Variants in HOMER1 observed in about 807,000 individuals in gnomAD.
HOMER1 encodes the protein homer scaffold protein 1, also known as homer protein homolog 1.
HOMER1 carries 3 observed loss-of-function variants against 48.9 expected under a neutral mutation model. The ratio of observed to expected loss-of-function variants is 0.06; its 90% CI spans 0.03 to 0.16. The LOEUF (loss-of-function observed/expected upper bound fraction) is 0.16. Ranked by LOEUF, HOMER1 falls within the 10% of genes least tolerant of loss-of-function variation. The pLI is 1.00. For missense variants in HOMER1, 247 were observed against 411.4 expected (o/e 0.60, Z 3.46); for synonymous variants, 134 against 146.4 (o/e 0.92, Z 0.61).
intron 5 of HOMER1, among the ~76,000 whole-genome samples, chr5:79,435,724 G>C (rs1750559733): frequency 6.6e-6 from 1 of 150,470 alleles, no homozygotes; most frequent in African/African-American, 2.5e-5. Context: ...CCACCTACTC[G>C]GGAGGCTGAG....
intron 1 of HOMER1, among the ~76,000 whole-genome samples, chr5:79,462,132 G>A (rs12110078): frequency 0.21 from 31,959 of 152,028 alleles, 3,689 homozygotes; most frequent in East Asian, 0.37. Flanking sequence ...CCAGGAGACG[G>A]AGGTTGCAGT....
rs759997948 is a variant in HOMER1, at chr5:79,483,318, G to A, written c.6-26300C>T. On this transcript the variant is annotated intron_variant, in intron 1 of 8. Coordinates refer to ENST00000334082, the MANE Select transcript of HOMER1 (RefSeq NM_004272.5). ...AAGAAAAAAAACTTGTCAACCTAACGATTTTCTACCCAGCAAAAAACATCT... is the reference window on the plus strand; with the variant it reads ...AAGAAAAAAAACTTGTCAACCTAACAATTTTCTACCCAGCAAAAAACATCT... Among the ~76,000 whole-genome samples, 76 of 152,082 alleles carry A rather than the reference G, an allele frequency of 5.0e-4. No homozygotes were observed. In the Middle Eastern group the frequency reaches 0.01, roughly 20 times the overall value.
intron 1 of HOMER1, among the ~76,000 whole-genome samples, chr5:79,507,382 G>T (rs1159082227): frequency 6.6e-6 from 1 of 151,846 alleles, no homozygotes; most frequent in East Asian, 1.9e-4. Context: ...CTTTTGAAAT[G>T]AACATATTTA....
intron 8 of HOMER1, among the ~76,000 whole-genome samples, chr5:79,393,610 C>T (rs1226856074): frequency 3.3e-5 from 5 of 152,184 alleles, no homozygotes; most frequent in African/African-American, 1.2e-4. Context: ...GGGTACCCTG[C>T]TTTTCCAGAT....
At chr5:79,467,126 C>T (rs1751487705) in intron 1 of HOMER1, among the ~76,000 whole-genome samples, 1 of 151,988 alleles carries the variant, frequency 6.6e-6, no homozygotes, top group South Asian at 2.1e-4. Context: ...AGGCTGGGCG[C>T]AGAGGATCAG....
intron 5 of HOMER1, among the ~76,000 whole-genome samples, chr5:79,415,736 G>A (rs1236493297): frequency 2.0e-5 from 3 of 152,144 alleles, no homozygotes; most frequent in Non-Finnish European, 4.4e-5. Flanking sequence ...TATAATGTAT[G>A]CCTTTATCAC....
At chr5:79,476,630 T>C (rs1751786959) in intron 1 of HOMER1, among the ~76,000 whole-genome samples, 1 of 152,160 alleles carries the variant, frequency 6.6e-6, no homozygotes, top group Non-Finnish European at 1.5e-5. Context: ...TTATAAAGGA[T>C]ATTAAAAAGA....
intron 5 of HOMER1, among the ~76,000 whole-genome samples, chr5:79,414,455 C>A (rs962039572): frequency 3.3e-5 from 5 of 152,064 alleles, no homozygotes; most frequent in Non-Finnish European, 7.4e-5. Context: ...ACATAGCTCA[C>A]TGCAACTCTG....
chr5:79,509,912 T>C (rs1752890508), intron 1 of HOMER1, among the ~76,000 whole-genome samples: 1 of 152,238 alleles, frequency 6.6e-6, no homozygotes, highest in East Asian at 1.9e-4. Context: ...TGAAACACTT[T>C]ACCCACAGTA....
At chr5:79,492,538 T>C (rs1176584646) in intron 1 of HOMER1, among the ~76,000 whole-genome samples, 3 of 151,852 alleles carry the variant, frequency 2.0e-5, no homozygotes, top group Non-Finnish European at 4.4e-5. Context: ...CCCTATACAC[T>C]TTGGTTCACA....
rs990565810 is a variant in HOMER1, at chr5:79,397,652, G to A, written c.685-15C>T. ...AGTTCAGTCACCTAAAATTAAATGA[G>A]AACACAGATTAACTTAAATTTCAAC... On this transcript the variant is annotated splice_polypyrimidine_tract_variant and intron_variant, in intron 6 of 8. Coordinates refer to ENST00000334082, the MANE Select transcript of HOMER1 (RefSeq NM_004272.5). 2.0e-6 allele frequency: 3 copies of A among 1,466,616 alleles called. No homozygotes were observed. Among genetic ancestry groups the A allele is most frequent in the African/African-American group, 2.8e-5 (2 of 71,124 alleles). 90.9% of individuals were successfully genotyped at this position (1,466,616 alleles called of 1,614,324 possible).
In HOMER1 at chr5:79,514,094, C is replaced by G. The variant is rs952601225; in HGVS notation, c.-1320G>C. The G allele has an allele frequency of 2.6e-5, 4 of 152,258 alleles. No individual in the cohort carries two copies. Among genetic ancestry groups the G allele is most frequent in the East Asian group, 1.9e-4 (1 of 5,154 alleles). The allele number at this position is 152,258 out of a possible 1,614,324, so 9.4% of individuals were successfully genotyped here. On this transcript the variant is annotated 5_prime_UTR_variant, in exon 1 of 9. Transcript: ENST00000334082. ...GGCAGAGAAGAGGGTGCTGCTTTCC[C>G]GGTCAGCGCCGCCGGCGTGAAGCTA...
intron 1 of HOMER1, among the ~76,000 whole-genome samples, chr5:79,500,003 G>A (rs1660719277): frequency 6.6e-6 from 1 of 152,160 alleles, no homozygotes; most frequent in South Asian, 2.1e-4. Flanking sequence ...GCAAAGTCAT[G>A]CTATTACAAG....
chr5:79,506,979 C>T (rs575924065), intron 1 of HOMER1, among the ~76,000 whole-genome samples: 2 of 151,862 alleles, frequency 1.3e-5, no homozygotes, highest in East Asian at 3.9e-4. Flanking sequence ...TTTGGGAGGC[C>T]GAGGCAGGCA....
intron 8 of HOMER1, among the ~76,000 whole-genome samples, chr5:79,376,875 C>A (rs956638787): frequency 6.6e-6 from 1 of 151,636 alleles, no homozygotes; most frequent in South Asian, 2.1e-4. Context: ...TTCATGACAA[C>A]AAAAAAAACA....
intron 1 of HOMER1, among the ~76,000 whole-genome samples, chr5:79,512,044 C>T (rs1417462087): frequency 6.6e-6 from 1 of 152,190 alleles, no homozygotes; most frequent in Non-Finnish European, 1.5e-5. Flanking sequence ...TAATAAAAGA[C>T]TGGAAAATGC....
At chr5:79,427,272 G>C (rs1021727870) in intron 5 of HOMER1, among the ~76,000 whole-genome samples, 1 of 152,072 alleles carries the variant, frequency 6.6e-6, no homozygotes, top group Non-Finnish European at 1.5e-5. Context: ...CTAGAAATCA[G>C]AGTTATTTGA....
intron 1 of HOMER1, among the ~76,000 whole-genome samples, chr5:79,462,939 A>G (rs1751357312): frequency 6.6e-6 from 1 of 152,232 alleles, no homozygotes; most frequent in Admixed American, 6.5e-5. Flanking sequence ...TATCCTTTTC[A>G]GATATGTAAG....
intron 8 of HOMER1, among the ~76,000 whole-genome samples, chr5:79,379,697 G>A (rs534090788): frequency 5.6e-4 from 84 of 151,156 alleles, no homozygotes; most frequent in Admixed American, 1.7e-3. Context: ...GTCCTGCCGC[G>A]GCCTCCCAAA....
Sources: gnomAD v4.1 joint callset for allele counts (sites outside exome capture counted in the v4.1 genomes callset) on GRCh38, gnomAD v4.1.1 for gene constraint, MANE v1.5 for transcripts, NCBI Gene and HGNC (gene_info 2026-07-23, HGNC 2026-07-21) for gene names.